Variants in RHCG observed in about 807,000 individuals in gnomAD.
RHCG encodes ammonium transporter Rh type C.
A neutral mutation model predicts 55.3 loss-of-function variants in RHCG; 39 were observed. The ratio of observed to expected loss-of-function variants is 0.70; its 90% CI spans 0.55 to 0.92. The LOEUF is 0.92. Ranked by LOEUF, RHCG falls within the 40% of genes least tolerant of loss-of-function variation. The pLI, the probability that RHCG is intolerant of heterozygous loss-of-function variation, is 0.00. For missense variants in RHCG, 635 were observed against 627.9 expected, an observed-to-expected ratio of 1.01 and a Z score of -0.12; for synonymous variants, 250 against 246.8, an observed-to-expected ratio of 1.01 and a Z score of -0.12.
chr15:89,481,544 A>G (rs780054154), intron 3 of RHCG, among the ~76,000 whole-genome samples: 1 of 152,134 alleles, frequency 6.6e-6, no homozygotes, highest in Admixed American at 6.5e-5. Flanking sequence ...AGCAATTGCA[A>G]AGGCCTTGAT....
chr15:89,494,301 G>T (rs1028374156), intron 1 of RHCG, among the ~76,000 whole-genome samples: 1 of 152,158 alleles, frequency 6.6e-6, no homozygotes, highest in African/African-American at 2.4e-5. Context: ...CTTCCAAAAA[G>T]TCTGGGGACA....
intron 3 of RHCG, among the ~76,000 whole-genome samples, chr15:89,481,059 G>A (rs1213569908): frequency 6.6e-6 from 1 of 152,200 alleles, no homozygotes; most frequent in African/African-American, 2.4e-5. Context: ...GACAGGGCTG[G>A]GATTCTCGAC....
intron 5 of RHCG, among the ~76,000 whole-genome samples, 191 bp from the exon 6 acceptor site, chr15:89,478,165 C>G (rs1322498992): frequency 6.6e-6 from 1 of 152,222 alleles, no homozygotes; most frequent in Non-Finnish European, 1.5e-5. Flanking sequence ...ACAGCTGCTC[C>G]CTGTGCCTCT....
chr15:89,481,066 C>T (rs1018426699), intron 3 of RHCG, among the ~76,000 whole-genome samples: 4 of 152,190 alleles, frequency 2.6e-5, no homozygotes, highest in South Asian at 2.1e-4. Context: ...CTGGGATTCT[C>T]GACTCCCAGC....
At chr15:89,476,914 C>T in intron 8 of RHCG, 86 bp from the exon 9 acceptor site, 5 of 1,543,034 alleles carry the variant, frequency 3.2e-6, no homozygotes, top group Non-Finnish European at 4.5e-6. Flanking sequence ...GAAAATCCTC[C>T]TGGGGCCCTT....
chr15:89,483,899 A>C (rs1401742647), intron 2 of RHCG, among the ~76,000 whole-genome samples: 1 of 152,234 alleles, frequency 6.6e-6, no homozygotes, highest in Non-Finnish European at 1.5e-5. Flanking sequence ...ACACCCTGCC[A>C]GCCCAGCAGA....
At chr15:89,486,342 G>A (rs113137908) in intron 2 of RHCG, 4 of 456,596 alleles carry the variant, frequency 8.8e-6, no homozygotes, top group Non-Finnish European at 1.8e-5. Flanking sequence ...AGACATCCCA[G>A]TTCTCCCACC....
intron 2 of RHCG, among the ~76,000 whole-genome samples, chr15:89,486,038 C>A (rs1438167424): frequency 6.6e-6 from 1 of 152,114 alleles, no homozygotes; most frequent in Non-Finnish European, 1.5e-5. Context: ...GAGGGAGGGG[C>A]TGAGTCACCT....
chr15:89,480,924 C>T (rs1399619287), intron 3 of RHCG, among the ~76,000 whole-genome samples: 2 of 152,204 alleles, frequency 1.3e-5, no homozygotes, highest in Admixed American at 1.3e-4. Context: ...CTTTTACCTC[C>T]TCCTTCCTCC....
chr15:89,474,752 GCCTTCCTT>G (rs200368825), intron 9 of RHCG, among the ~76,000 whole-genome samples: 2 of 132,524 alleles, frequency 1.5e-5, no homozygotes, highest in South Asian at 2.3e-4. Context: ...CTTCCTGCCT[GCCTTCCTT>G]CCTGCCTTCC....
rs946521487 is a variant in RHCG, at chr15:89,483,331, C to G, written c.372-114G>C. The G allele has an allele frequency of 1.1e-5, 10 of 928,488 alleles. No individual in the cohort carries two copies. In the African/African-American group the frequency reaches 1.7e-4, roughly 15 times the overall value. 57.5% of individuals were successfully genotyped at this position (928,488 alleles called of 1,614,324 possible). ...CTTGTGGCTTAACCTTTCTGAGCTT[C>G]AGTTTCATCATCTACACTAATGGGC... is the stretch of plus-strand genomic sequence containing the variant. On this transcript the variant is annotated intron_variant, in intron 2 of 10. Coordinates refer to ENST00000268122, the MANE Select transcript of RHCG (RefSeq NM_016321.3).
chr15:89,476,681 GC>G, intron 9 of RHCG, 73 bp downstream of exon 9: 1 of 1,312,402 alleles, frequency 7.6e-7, no homozygotes. Flanking sequence ...CCAGGCCCCA[GC>G]CCAGCTGATG....
intron 9 of RHCG, among the ~76,000 whole-genome samples, chr15:89,473,952 T>G (rs1193450742): frequency 6.6e-6 from 1 of 152,232 alleles, no homozygotes; most frequent in African/African-American, 2.4e-5. Flanking sequence ...TAGCGTAAAA[T>G]CTGTTGGTTT....
intron 9 of RHCG, among the ~76,000 whole-genome samples, chr15:89,476,394 G>C (rs187379209): frequency 6.6e-6 from 1 of 152,304 alleles, no homozygotes; most frequent in African/African-American, 2.4e-5. Context: ...CCAGTCTGTA[G>C]GTGATGCTGA....
intron 1 of RHCG, among the ~76,000 whole-genome samples, chr15:89,493,670 T>A (rs1961515840): frequency 6.6e-6 from 1 of 152,122 alleles, no homozygotes. Flanking sequence ...CAGGAAGCCT[T>A]GTGCCCTCTA....
chr15:89,494,915 CGGGA>C (rs1404396050), intron 1 of RHCG, among the ~76,000 whole-genome samples: 2 of 151,928 alleles, frequency 1.3e-5, no homozygotes, highest in Non-Finnish European at 2.9e-5. Context: ...GAAGCAAGTG[CGGGA>C]GGGAGGGAGA....
At chr15:89,491,997 T>G (rs1282127505) in intron 1 of RHCG, among the ~76,000 whole-genome samples, 5 of 152,144 alleles carry the variant, frequency 3.3e-5, no homozygotes, top group African/African-American at 1.2e-4. Context: ...CTTTAGAAAT[T>G]GCCCCATCAT....
rs144186841 is a variant in RHCG, at chr15:89,487,265, A to AT, written c.185-281dup. On this transcript the variant is annotated intron_variant, in intron 1 of 10. Transcript: ENST00000268122. Reference sequence around the variant, plus strand: ...CCGAGGTGGGCCCCCACCTTAGCCTATTTAAACCACTGGGCTGTAGTGCCA... The same window carrying AT: ...CCGAGGTGGGCCCCCACCTTAGCCTATTTTAAACCACTGGGCTGTAGTGCCA... 7.2e-3 allele frequency among the ~76,000 whole-genome samples: 1,090 copies of AT among 152,226 alleles called. 20 individuals are homozygous for AT. The highest frequency in any genetic ancestry group is 0.041 in the East Asian group (214 of 5,168).
intron 1 of RHCG, 84 bp from the exon 2 acceptor site, chr15:89,487,069 G>GC: frequency 1.6e-6 from 2 of 1,277,206 alleles, no homozygotes; most frequent in South Asian, 3.4e-5. Flanking sequence ...GGCCGGGGTA[G>GC]CCCCTCAGTC....
Sources: allele counts gnomAD v4.1 joint callset (sites outside exome capture counted in the v4.1 genomes callset), GRCh38; gene constraint gnomAD v4.1.1; transcripts MANE v1.5; gene names NCBI Gene and HGNC (gene_info 2026-07-23, HGNC 2026-07-21).